The following NAV2 variants were observed in gnomAD, a reference collection of about 807,000 sequenced individuals.
NAV2 encodes helicase, APC down-regulated 1.
NAV2 carries 54 observed loss-of-function variants against 223.2 expected under a neutral mutation model. That is an observed-to-expected ratio of 0.24 (90% CI 0.19 to 0.30). The LOEUF (loss-of-function observed/expected upper bound fraction) is 0.30. Among genes scored for constraint, NAV2 ranks in the 10% least tolerant of loss-of-function variants. The probability of loss-of-function intolerance (pLI) is 1.00; values close to 1 mark genes in which losing one functional copy is unlikely to be tolerated. For missense variants in NAV2, 2,806 were observed against 3,147.5 expected (o/e 0.89, Z 2.60); for synonymous variants, 1,279 against 1,239.3 (o/e 1.03, Z -0.67).
At chr11:19,584,162 G>T (rs375493426) in intron 1 of NAV2, among the ~76,000 whole-genome samples, 1 of 152,154 alleles carries the variant, frequency 6.6e-6, no homozygotes, top group Non-Finnish European at 1.5e-5. Context: ...TAGTTTATTT[G>T]CATAGAGGTG....
chr11:19,640,325 A>G (rs1009165509), intron 1 of NAV2, among the ~76,000 whole-genome samples: 25 of 152,148 alleles, frequency 1.6e-4, no homozygotes, highest in African/African-American at 6.0e-4. Flanking sequence ...GAGCCTGCTC[A>G]TGTGTATCGT....
rs547029147 is a variant in NAV2, at chr11:20,057,198, T to C, written c.4831+1241T>C. ...TCCCAGCATGAAAGAACAAACAAATTTGTGATTGTTTAGGAAGTTTCAAGT... is the reference window on the plus strand; with the variant it reads ...TCCCAGCATGAAAGAACAAACAAATCTGTGATTGTTTAGGAAGTTTCAAGT... On this transcript the variant is annotated intron_variant, in intron 19 of 37. Coordinates refer to ENST00000349880, the MANE Select transcript of NAV2 (RefSeq NM_145117.5). 3.0e-4 allele frequency among the ~76,000 whole-genome samples: 46 copies of C among 152,112 alleles called. 1 individual carries two copies. Among genetic ancestry groups the C allele is most frequent in the Non-Finnish European group, 5.7e-4 (39 of 67,992 alleles).
intron 7 of NAV2, among the ~76,000 whole-genome samples, chr11:19,937,947 G>A (rs776524414): frequency 6.6e-6 from 1 of 152,218 alleles, no homozygotes; most frequent in South Asian, 2.1e-4. Context: ...GTCAAGGAAA[G>A]CTCTCAGGAA....
At chr11:19,409,911 T>C (rs934076661) in intron 1 of NAV2, among the ~76,000 whole-genome samples, 1 of 152,146 alleles carries the variant, frequency 6.6e-6, no homozygotes, top group African/African-American at 2.4e-5. Context: ...CTGAGCACTC[T>C]GGGCTGAGAC....
intron 1 of NAV2, among the ~76,000 whole-genome samples, chr11:19,705,010 CA>C (rs1244386651): frequency 0.018 from 864 of 47,540 alleles, 7 homozygotes; most frequent in East Asian, 0.091. Context: ...GACTCCGTCT[CA>C]AAAAAAAAAA....
chr11:19,991,013 C>T (rs1029966981), intron 11 of NAV2, among the ~76,000 whole-genome samples: 1 of 152,204 alleles, frequency 6.6e-6, no homozygotes, highest in African/African-American at 2.4e-5. Flanking sequence ...AGGTTTTTGT[C>T]TCTGAAATGA....
chr11:20,113,001 C>T (rs2153722925), intron 36 of NAV2, among the ~76,000 whole-genome samples: 1 of 152,350 alleles, frequency 6.6e-6, no homozygotes, highest in African/African-American at 2.4e-5. Flanking sequence ...CACACTGCAG[C>T]CGTGGTGGCC....
At chr11:19,693,095 C>G (rs1049848964) in intron 1 of NAV2, among the ~76,000 whole-genome samples, 2 of 152,238 alleles carry the variant, frequency 1.3e-5, no homozygotes, top group Admixed American at 6.5e-5. Flanking sequence ...TTGGTGCCCT[C>G]CTGCCCTTGT....
chr11:19,965,913 C>T (rs1410420462), intron 10 of NAV2, among the ~76,000 whole-genome samples: 1 of 152,178 alleles, frequency 6.6e-6, no homozygotes, highest in Admixed American at 6.5e-5. Flanking sequence ...TAGAGTTATT[C>T]CAGAGTTTGT....
chr11:19,575,366 G>C (rs1158458444), intron 1 of NAV2: 1 of 154,176 alleles, frequency 6.5e-6, no homozygotes, highest in African/African-American at 2.4e-5. Flanking sequence ...TCTTGCCATT[G>C]CAATGAGAAA....
At chr11:19,980,542 A>G (rs1211893138) in intron 10 of NAV2, among the ~76,000 whole-genome samples, 2 of 152,232 alleles carry the variant, frequency 1.3e-5, no homozygotes, top group African/African-American at 2.4e-5. Flanking sequence ...GGATGAGGCC[A>G]TCAGTCCTCT....
chr11:19,642,741 A>G (rs776659566), intron 1 of NAV2, among the ~76,000 whole-genome samples: 6 of 152,106 alleles, frequency 3.9e-5, no homozygotes, highest in Non-Finnish European at 8.8e-5. Flanking sequence ...TGCAAAGTGT[A>G]TTATATGAGA....
At position 20,039,577 on chromosome 11, in the gene NAV2, C is replaced by G. The variant is rs148071647; in HGVS notation, c.2907+3480C>G. ...TATTTTGTTTGTAGTCTCAAAGCAA[C>G]TCATCTTACTTTGCAGTATTTTATT... On this transcript the variant is annotated intron_variant, in intron 12 of 37. Transcript: ENST00000349880. Among the ~76,000 whole-genome samples the G allele has an allele frequency of 5.6e-3, 851 of 152,312 alleles. 8 individuals carry two copies. Among genetic ancestry groups the G allele is most frequent in the African/African-American group, 0.02 (811 of 41,566 alleles).
At chr11:19,503,400 T>C (rs761752896) in intron 1 of NAV2, 4 of 152,230 alleles carry the variant, frequency 2.6e-5, no homozygotes, top group Non-Finnish European at 2.9e-5. Context: ...TCCACCATTA[T>C]GGTATCATAC....
intron 1 of NAV2, among the ~76,000 whole-genome samples, chr11:19,563,218 T>C (rs946356320): frequency 3.3e-5 from 5 of 152,180 alleles, no homozygotes; most frequent in African/African-American, 1.2e-4. Flanking sequence ...GGAAAAGAAG[T>C]GAATTTCCCA....
chr11:20,096,822 C>T (rs568760067), intron 30 of NAV2, among the ~76,000 whole-genome samples: 2 of 152,242 alleles, frequency 1.3e-5, no homozygotes, highest in Non-Finnish European at 2.9e-5. Context: ...ATATGAATGG[C>T]TTAGATGGAC....
chr11:19,525,897 C>T (rs2043826245), intron 1 of NAV2, among the ~76,000 whole-genome samples: 1 of 152,102 alleles, frequency 6.6e-6, no homozygotes, highest in Non-Finnish European at 1.5e-5. Context: ...AAAAACCAGT[C>T]TTCAGGCTTA....
intron 1 of NAV2, among the ~76,000 whole-genome samples, chr11:19,783,122 G>A (rs186112269): frequency 8.6e-4 from 131 of 152,352 alleles, no homozygotes; most frequent in African/African-American, 2.9e-3. Flanking sequence ...CTGGGCTTAG[G>A]AAGGTGTGTA....
intron 1 of NAV2, among the ~76,000 whole-genome samples, chr11:19,689,846 TAGAA>T (rs2049118240): frequency 6.6e-6 from 1 of 152,216 alleles, no homozygotes; most frequent in Admixed American, 6.5e-5. Context: ...TGAGTTGAAA[TAGAA>T]AGATTGCCAT....
Sources: gnomAD v4.1 joint callset for allele counts (sites outside exome capture counted in the v4.1 genomes callset) on GRCh38, gnomAD v4.1.1 for gene constraint, MANE v1.5 for transcripts, NCBI Gene and HGNC (gene_info 2026-07-23, HGNC 2026-07-21) for gene names.